CAPN13: variants seen among roughly 807,000 people sequenced by gnomAD.
The protein encoded by CAPN13 is calpain 13, also known as calpain-13.
A neutral mutation model predicts 98.4 loss-of-function variants in CAPN13; 90 were observed. That is an observed-to-expected ratio of 0.92 (90% CI 0.77 to 1.09). The LOEUF (loss-of-function observed/expected upper bound fraction) is 1.09, where lower values mean the gene tolerates loss of function less well. Ranked by LOEUF, CAPN13 falls within the 50% of genes least tolerant of loss-of-function variation. CAPN13 has a pLI of 0.00. For missense variants in CAPN13, 887 were observed against 841.3 expected (o/e 1.05, Z -0.67); for synonymous variants, 330 against 305.5 (o/e 1.08, Z -0.84).
chr2:30,789,946 C>G (rs182894428), intron 1 of CAPN13, among the ~76,000 whole-genome samples: 328 of 152,290 alleles, frequency 2.2e-3, no homozygotes, highest in Non-Finnish European at 3.9e-3. Context: ...ACTACATGGG[C>G]TGCCCAGGCC....
intron 7 of CAPN13, among the ~76,000 whole-genome samples, chr2:30,758,819 CCCTTCCTT>C (rs1164454578): frequency 3.5e-4 from 29 of 83,342 alleles, no homozygotes; most frequent in African/African-American, 1.4e-3. Context: ...TTCCCTTCCT[CCCTTCCTT>C]CCTCCCTTCC....
chr2:30,779,568 T>C (rs944789108), intron 2 of CAPN13, among the ~76,000 whole-genome samples: 3 of 152,204 alleles, frequency 2.0e-5, no homozygotes, highest in Non-Finnish European at 4.4e-5. Context: ...ATAGTACATG[T>C]TCAACAAATA....
At chr2:30,756,282 A>T (rs1297086643) in intron 8 of CAPN13, among the ~76,000 whole-genome samples, 1 of 152,066 alleles carries the variant, frequency 6.6e-6, no homozygotes, top group African/African-American at 2.4e-5. Context: ...TTGGCCCGGA[A>T]CAGACTATCA....
rs1170992927 is a variant in CAPN13, at chr2:30,742,374, G to A, written c.1446-15C>T. The A allele has an allele frequency of 6.2e-6, 10 of 1,601,766 alleles. No individual in the cohort carries two copies. The highest frequency in any genetic ancestry group is 7.7e-6 in the Non-Finnish European group (9 of 1,174,100). On this transcript the variant is annotated splice_polypyrimidine_tract_variant and intron_variant, in intron 13 of 22. Transcript: ENST00000295055. ...TGCTCAGGTGCCTAGAAAATCAGAG[G>A]ACAGTGTGACAAAGATGACCAGCTC...
intron 1 of CAPN13, among the ~76,000 whole-genome samples, chr2:30,805,369 C>T (rs1177666767): frequency 6.6e-6 from 1 of 152,108 alleles, no homozygotes; most frequent in African/African-American, 2.4e-5. Context: ...CACTGCTTCC[C>T]CTTTTTCTCT....
chr2:30,752,338 A>T (rs1672215168), intron 10 of CAPN13, among the ~76,000 whole-genome samples: 1 of 152,244 alleles, frequency 6.6e-6, no homozygotes, highest in Non-Finnish European at 1.5e-5. Flanking sequence ...TATCAAAGAT[A>T]TATAAGCACA....
intron 10 of CAPN13, among the ~76,000 whole-genome samples, 178 bp downstream of exon 10, chr2:30,752,875 C>T (rs1672246453): frequency 6.6e-6 from 1 of 152,198 alleles, no homozygotes; most frequent in Admixed American, 6.5e-5. Context: ...TTGGCCCCTA[C>T]AGCAATCATT....
In CAPN13 at chr2:30,736,565, C is replaced by T. The variant is rs1478447997; in HGVS notation, c.1660G>A (p.Val554Met). ...TCCTCTTGGTCTAGCCGCCCATTCA[C>T]TTTCAGCTGGGTAAGGAGTTAAGAG... The part of the protein sequence containing the change: ...RSLVALMELK[V>M]NGRLDQEEFA... The change falls in exon 18 of 23, where the codon GTG (valine) becomes ATG (methionine). Residue 554 changes from valine to methionine, a missense_variant. By Grantham distance (21) the Val-to-Met change is conservative. Transcript: ENST00000295055. 1 of 1,613,906 alleles carries T rather than the reference C, an allele frequency of 6.2e-7. No homozygotes were observed. The highest frequency in any genetic ancestry group is 1.7e-5 in the Admixed American group (1 of 60,002).
At chr2:30,729,267 G>A (rs1670973966) in intron 22 of CAPN13, among the ~76,000 whole-genome samples, 1 of 152,194 alleles carries the variant, frequency 6.6e-6, no homozygotes, top group Non-Finnish European at 1.5e-5. Context: ...TGATTAATGA[G>A]GAAGCTAGGG....
intron 8 of CAPN13, among the ~76,000 whole-genome samples, chr2:30,755,922 T>C (rs1672421535): frequency 6.6e-6 from 1 of 152,166 alleles, no homozygotes. Context: ...TGGCTGAGAT[T>C]AGACCATCCG....
At chr2:30,778,601 C>G (rs1289371506) in intron 2 of CAPN13, among the ~76,000 whole-genome samples, 2 of 152,216 alleles carry the variant, frequency 1.3e-5, no homozygotes, top group Non-Finnish European at 2.9e-5. Context: ...TGCTCAGTAG[C>G]CATTCATGTA....
chr2:30,750,771 G>C (rs1355106543), intron 11 of CAPN13, among the ~76,000 whole-genome samples: 1 of 152,208 alleles, frequency 6.6e-6, no homozygotes, highest in Non-Finnish European at 1.5e-5. Context: ...AAGGTCTGGA[G>C]TAAGCCCAGA....
intron 8 of CAPN13, among the ~76,000 whole-genome samples, chr2:30,757,245 C>A (rs913435688): frequency 2.0e-5 from 3 of 152,232 alleles, no homozygotes; most frequent in Admixed American, 1.3e-4. Flanking sequence ...CCCAGAGGAG[C>A]AAGTAACCTG....
At chr2:30,783,675 A>G (rs1284835044) in intron 2 of CAPN13, among the ~76,000 whole-genome samples, 1 of 152,170 alleles carries the variant, frequency 6.6e-6, no homozygotes, top group African/African-American at 2.4e-5. Context: ...TGAATACTCA[A>G]AACAGAATGA....
chr2:30,779,938 G>A (rs1673902978), intron 2 of CAPN13, among the ~76,000 whole-genome samples: 1 of 151,960 alleles, frequency 6.6e-6, no homozygotes, highest in Admixed American at 6.6e-5. Context: ...CCCAACCTTT[G>A]GCAAATATGG....
chr2:30,742,395 A>G, intron 13 of CAPN13, 36 bp from the exon 14 acceptor site: 6 of 1,594,060 alleles, frequency 3.8e-6, no homozygotes, highest in Non-Finnish European at 5.1e-6. Context: ...AAAGATGACC[A>G]GCTCACCACT....
intron 15 of CAPN13, chr2:30,741,633 G>A: frequency 8.1e-7 from 1 of 1,230,798 alleles, no homozygotes; most frequent in Non-Finnish European, 1.0e-6. Flanking sequence ...AGATTTAGAG[G>A]GCAATGCACC....
chr2:30,800,824 A>G (rs1675226126), intron 1 of CAPN13, among the ~76,000 whole-genome samples: 1 of 152,222 alleles, frequency 6.6e-6, no homozygotes, highest in Admixed American at 6.5e-5. Context: ...GTGTCATTCA[A>G]TTATGATAGG....
chr2:30,730,133 A>G (rs1413538699), intron 22 of CAPN13, among the ~76,000 whole-genome samples: 1 of 152,210 alleles, frequency 6.6e-6, no homozygotes, highest in African/African-American at 2.4e-5. Flanking sequence ...GTCCTAAAGA[A>G]TTCTAGAAGA....
Sources: gnomAD v4.1 joint callset for allele counts (sites outside exome capture counted in the v4.1 genomes callset) on GRCh38, gnomAD v4.1.1 for gene constraint, MANE v1.5 for transcripts, NCBI Gene and HGNC (gene_info 2026-07-23, HGNC 2026-07-21) for gene names.